The following CALCRL variants were observed in gnomAD, a reference collection of about 807,000 sequenced individuals.
The protein encoded by CALCRL is calcitonin receptor like receptor, also known as calcitonin gene-related peptide type 1 receptor.
Under a neutral mutation model 60.4 loss-of-function variants are expected in CALCRL, and 27 were observed. The ratio of observed to expected loss-of-function variants is 0.45; its 90% CI spans 0.33 to 0.62. The LOEUF (loss-of-function observed/expected upper bound fraction) is 0.62. Among genes scored for constraint, CALCRL ranks in the 20% least tolerant of loss-of-function variants. The pLI is 0.03. For missense variants in CALCRL, 424 were observed against 540.7 expected (o/e 0.78, Z 2.14); for synonymous variants, 190 against 182.6 (o/e 1.04, Z -0.33).
intron 10 of CALCRL, 119 bp from the exon 11 acceptor site, chr2:187,359,391 A>G (rs1326213679): frequency 7.7e-6 from 5 of 647,706 alleles, no homozygotes; most frequent in African/African-American, 1.8e-5. Flanking sequence ...ACTAGCCACT[A>G]TATATTTGTT....
At chr2:187,409,606 G>T (rs1689270770) in intron 1 of CALCRL, among the ~76,000 whole-genome samples, 1 of 152,192 alleles carries the variant, frequency 6.6e-6, no homozygotes, top group African/African-American at 2.4e-5. Flanking sequence ...ACTTGGCTGG[G>T]TGTTGGGAAA....
At chr2:187,390,812 T>G (rs529651263) in intron 1 of CALCRL, among the ~76,000 whole-genome samples, 3 of 152,242 alleles carry the variant, frequency 2.0e-5, no homozygotes, top group South Asian at 4.1e-4. Context: ...GCCCCTGGGT[T>G]TGTCAAAGAT....
chr2:187,437,691 A>G lies in CALCRL; in HGVS notation c.-293+10348T>C, dbSNP rs189180630. 7.8e-4 allele frequency among the ~76,000 whole-genome samples: 119 copies of G among 152,304 alleles called. 1 individual carries two copies. The highest frequency in any genetic ancestry group is 1.3e-3 in the Non-Finnish European group (88 of 68,016). ...ATGTTTTGTAATAATAACTTTATCAAAAATATGTTGTTTGATAATGACTGT... is the reference window on the plus strand; with the variant it reads ...ATGTTTTGTAATAATAACTTTATCAGAAATATGTTGTTTGATAATGACTGT... On this transcript the variant is annotated intron_variant, in intron 1 of 14. Transcript: ENST00000392370.
At chr2:187,394,646 CT>C (rs1426325694) in intron 1 of CALCRL, among the ~76,000 whole-genome samples, 2 of 151,940 alleles carry the variant, frequency 1.3e-5, no homozygotes, top group Admixed American at 1.3e-4. Flanking sequence ...TTCTAAATTG[CT>C]GTGTAATTTT....
chr2:187,417,227 G>A (rs1384743202), intron 1 of CALCRL, among the ~76,000 whole-genome samples: 3 of 151,972 alleles, frequency 2.0e-5, no homozygotes, highest in Non-Finnish European at 4.4e-5. Context: ...GATATACTCA[G>A]AGTAGCATAG....
intron 12 of CALCRL, 141 bp from the exon 13 acceptor site, chr2:187,352,473 A>G: frequency 1.8e-6 from 1 of 549,214 alleles, no homozygotes; most frequent in Non-Finnish European, 3.3e-6. Context: ...TGCCTAAGGC[A>G]TTAATTTATA....
chr2:187,378,449 G>C (rs1325089497), intron 8 of CALCRL, among the ~76,000 whole-genome samples: 1 of 152,088 alleles, frequency 6.6e-6, no homozygotes, highest in Non-Finnish European at 1.5e-5. Flanking sequence ...AAAATTGAAA[G>C]TACAATTAAA....
intron 1 of CALCRL, among the ~76,000 whole-genome samples, chr2:187,389,744 A>C (rs546581194): frequency 6.6e-6 from 1 of 152,276 alleles, no homozygotes. Context: ...ATTTTATTTA[A>C]GTAAATTTTA....
intron 8 of CALCRL, among the ~76,000 whole-genome samples, chr2:187,370,289 AG>A (rs1350938266): frequency 6.6e-6 from 1 of 152,130 alleles, no homozygotes; most frequent in East Asian, 1.9e-4. Flanking sequence ...GGTATGATCG[AG>A]AAAAATAAAC....
chr2:187,446,950 T>C (rs1691218378), intron 1 of CALCRL, among the ~76,000 whole-genome samples: 2 of 151,952 alleles, frequency 1.3e-5, no homozygotes, highest in South Asian at 4.1e-4. Flanking sequence ...TATAATTGCA[T>C]TTAGGTAAGA....
rs1490539573 is a variant in CALCRL at position 187,397,085 on chromosome 2, AAAATT to A, written c.-292-9334_-292-9330del. Among the ~76,000 whole-genome samples, 10 of 151,894 alleles carry A rather than the reference AAAATT, an allele frequency of 6.6e-5. No individual in the cohort carries two copies. In the East Asian group the frequency reaches 1.7e-3, roughly 26 times the overall value. On this transcript the variant is annotated intron_variant, in intron 1 of 14. Transcript: ENST00000392370. ...CTACACCAGAAAGCTATTGTAAAAT[AAAATT>A]AGATAATACAAACTTCTTAGAATGC...
chr2:187,424,667 G>A (rs1361658291), intron 1 of CALCRL, among the ~76,000 whole-genome samples: 2 of 151,962 alleles, frequency 1.3e-5, no homozygotes, highest in Non-Finnish European at 2.9e-5. Context: ...GTATGAAGAT[G>A]TGCAGTTTAC....
At chr2:187,359,907 T>G (rs1038849357) in intron 10 of CALCRL, among the ~76,000 whole-genome samples, 36 of 151,650 alleles carry the variant, frequency 2.4e-4, no homozygotes, top group Non-Finnish European at 2.1e-4. Flanking sequence ...TAGATATAGA[T>G]AGTTTAGATA....
chr2:187,349,178 A>G (rs2105688581), intron 14 of CALCRL, among the ~76,000 whole-genome samples: 1 of 151,728 alleles, frequency 6.6e-6, no homozygotes, highest in African/African-American at 2.4e-5. Flanking sequence ...GTTAAATATA[A>G]CCTTCTGATG....
chr2:187,435,778 A>G (rs1403350855), intron 1 of CALCRL, among the ~76,000 whole-genome samples: 2 of 152,086 alleles, frequency 1.3e-5, no homozygotes, highest in Non-Finnish European at 2.9e-5. Flanking sequence ...TAAATTATAT[A>G]TGATTTCAAG....
intron 8 of CALCRL, among the ~76,000 whole-genome samples, chr2:187,375,897 T>C (rs1687737650): frequency 6.6e-6 from 1 of 152,200 alleles, no homozygotes; most frequent in African/African-American, 2.4e-5. Flanking sequence ...GAATAAAACA[T>C]ACATAAATAC....
chr2:187,445,759 A>G (rs1691151404), intron 1 of CALCRL, among the ~76,000 whole-genome samples: 1 of 151,534 alleles, frequency 6.6e-6, no homozygotes, highest in Non-Finnish European at 1.5e-5. Flanking sequence ...AAATAGTATA[A>G]TATGTGCAGG....
At chr2:187,447,440 A>G (rs946389729) in intron 1 of CALCRL, among the ~76,000 whole-genome samples, 8 of 152,168 alleles carry the variant, frequency 5.3e-5, no homozygotes, top group Admixed American at 4.6e-4. Flanking sequence ...TTAGCAGAAG[A>G]GAGATTTAAA....
At chr2:187,372,699 C>T (rs1036280610) in intron 8 of CALCRL, among the ~76,000 whole-genome samples, 13 of 151,962 alleles carry the variant, frequency 8.6e-5, no homozygotes, top group Admixed American at 8.5e-4. Context: ...TTTCCCATAC[C>T]GAGTAAGCAA....
Sources: allele counts gnomAD v4.1 joint callset (sites outside exome capture counted in the v4.1 genomes callset), GRCh38; gene constraint gnomAD v4.1.1; transcripts MANE v1.5; gene names NCBI Gene and HGNC (gene_info 2026-07-23, HGNC 2026-07-21).